The following COL12A1 variants were observed in gnomAD, a reference collection of about 807,000 sequenced individuals.
COL12A1 encodes the protein collagen type XII alpha 1 chain.
A neutral mutation model predicts 349.7 loss-of-function variants in COL12A1; 114 were observed. The ratio of observed to expected loss-of-function variants is 0.33; its 90% CI spans 0.28 to 0.38. The LOEUF is 0.38. Among genes scored for constraint, COL12A1 ranks in the 10% least tolerant of loss-of-function variants. The probability of loss-of-function intolerance (pLI) is 1.00; values close to 1 mark genes in which losing one functional copy is unlikely to be tolerated. For synonymous variants in COL12A1, 1,369 were observed against 1,329.0 expected, an observed-to-expected ratio of 1.03 and a Z score of -0.66; for missense variants, 3,284 against 3,756.9, an observed-to-expected ratio of 0.87 and a Z score of 3.29.
chr6:75,203,305 C>T (rs1438860998), intron 1 of COL12A1, among the ~76,000 whole-genome samples: 8 of 152,020 alleles, frequency 5.3e-5, no homozygotes, highest in Non-Finnish European at 1.5e-5. Flanking sequence ...CTTTTTTCTT[C>T]ATTTTGTTCT....
Position 75,085,424 on chromosome 6 carries a change from A to ACAC in COL12A1, c.*1122_*1123insGTG. On this transcript the variant is annotated 3_prime_UTR_variant, in exon 66 of 66. Coordinates refer to ENST00000322507, the MANE Select transcript of COL12A1 (RefSeq NM_004370.6). Reference sequence around the variant, plus strand: ...TTGGAAGGCACACACACACACACACAGCAAAAGCTAAATCATCACCCGCGG... The same window carrying ACAC: ...TTGGAAGGCACACACACACACACACACACGCAAAAGCTAAATCATCACCCGCGG... The ACAC allele has an allele frequency of 8.8e-6, 4 of 455,954 alleles. No individual in the cohort carries two copies. Among genetic ancestry groups the ACAC allele is most frequent in the Admixed American group, 4.8e-5 (2 of 42,072 alleles). 28.2% of individuals were successfully genotyped at this position (455,954 alleles called of 1,614,324 possible). A position where few individuals can be genotyped will look rare whatever the true frequency, so the allele number is the denominator to read the frequency against.
Position 75,175,084 on chromosome 6 carries a change from C to G in COL12A1, c.2664G>C (p.Ala888=). ...CAAAGAGGGCGTCTCCAGCCCCAGA[C>G]GCATACAAGGCTGTCACAGATAAGG... is the stretch of plus-strand genomic sequence containing the variant. ...QYALSVTALY[A]SGAGDALFGE... The change falls in exon 13 of 66, where the codon GCG becomes GCC. Residue 888 remains alanine, a synonymous_variant. Coordinates refer to ENST00000322507, the MANE Select transcript of COL12A1 (RefSeq NM_004370.6). 3 of 1,614,172 alleles carry G rather than the reference C, an allele frequency of 1.9e-6. No homozygotes were observed. The highest frequency in any genetic ancestry group is 2.5e-6 in the Non-Finnish European group (3 of 1,180,022).
chr6:75,177,613 T>G (rs767834421), intron 12 of COL12A1, 50 bp downstream of exon 12: 1 of 1,610,414 alleles, frequency 6.2e-7, no homozygotes, highest in Non-Finnish European at 8.5e-7. Flanking sequence ...AATTTTCCCC[T>G]CTAGTCTAAG....
chr6:75,086,788 ATTAC>A (rs1767518509), intron 65 of COL12A1, among the ~76,000 whole-genome samples: 2 of 151,764 alleles, frequency 1.3e-5, no homozygotes, highest in African/African-American at 4.8e-5. Context: ...AAGATTTGTT[ATTAC>A]TTTTGGTCAT....
rs1412087892 is a variant in COL12A1 at position 75,125,256 on chromosome 6, C to T, written c.6478G>A (p.Glu2160Lys). 6.2e-7 allele frequency: 1 copy of T among 1,607,100 alleles called. No homozygotes were observed. Among genetic ancestry groups the T allele is most frequent in the Non-Finnish European group, 8.5e-7 (1 of 1,176,734 alleles). The change falls in exon 40 of 66, where the codon GAA becomes AAA. Residue 2160 changes from glutamate (E) to lysine (K), a missense_variant. Around this residue, in one of 2 missense-constraint regions of COL12A1, gnomAD observed 2,601 missense variants for 2,824.8 expected, o/e 0.92. Transcript: ENST00000322507. ...YKPVGSNEPM[E>K]AFVGEMTSYT... is the part of the protein sequence containing the mutation. ...GATGTCATTTCTCCAACAAAGGCTT[C>T]CATGGGCTCATTGGAACCTTTATTA...
At position 75,175,072 on chromosome 6, in the gene COL12A1, T is replaced by G. The variant is rs1338753251; in HGVS notation, c.2676A>C (p.Gly892=). The stretch of plus-strand genomic sequence containing the variant: ...TTGTTCCTTCACCAAAGAGGGCGTC[T>G]CCAGCCCCAGACGCATACAAGGCTG... ...SVTALYASGA[G]DALFGEGTTL... Residue 892 remains glycine (G), a synonymous_variant, in exon 13 of 66, where the codon GGA becomes GGC. Transcript: ENST00000322507. The G allele has an allele frequency of 1.9e-6, 3 of 1,614,034 alleles. No homozygotes were observed. The highest frequency in any genetic ancestry group is 2.5e-6 in the Non-Finnish European group (3 of 1,180,024).
At chr6:75,180,124 C>G (rs1769186992) in intron 11 of COL12A1, among the ~76,000 whole-genome samples, 1 of 152,122 alleles carries the variant, frequency 6.6e-6, no homozygotes, top group Non-Finnish European at 1.5e-5. Context: ...AATAAGAACC[C>G]CATCTTAAAA....
chr6:75,202,311 G>A (rs983632180), intron 2 of COL12A1, among the ~76,000 whole-genome samples: 1 of 152,226 alleles, frequency 6.6e-6, no homozygotes, highest in Non-Finnish European at 1.5e-5. Context: ...CCAGGTGGTT[G>A]GTTACCAGCC....
In COL12A1 at chr6:75,175,419, G is replaced by T. The variant is rs946509139; in HGVS notation, c.2438-109C>A. ...GTGCACTACATCAAAGTTATATCCT[G>T]GGTGAGACTATGACAATTTTAACTG... On this transcript the variant is annotated intron_variant, in intron 12 of 65. Transcript: ENST00000322507. The T allele has an allele frequency of 2.8e-5, 35 of 1,272,728 alleles. No individual in the cohort carries two copies. In the East Asian group the frequency reaches 8.5e-4, roughly 31 times the overall value. 78.8% of individuals were successfully genotyped at this position (1,272,728 alleles called of 1,614,324 possible). A position where few individuals can be genotyped will look rare whatever the true frequency, so the allele number is the denominator to read the frequency against.
intron 27 of COL12A1, 25 bp from the exon 28 acceptor site, chr6:75,138,986 C>G: frequency 6.2e-7 from 1 of 1,610,594 alleles, no homozygotes; most frequent in Non-Finnish European, 8.5e-7. Flanking sequence ...GGCAAGCAGA[C>G]TAAGTTTTTG....
At position 75,152,450 on chromosome 6, in the gene COL12A1, T is replaced by C; in HGVS notation, c.3598A>G (p.Ile1200Val). The change falls in exon 18 of 66, where the codon ATT becomes GTT. Residue 1200 changes from isoleucine (I) to valine (V), a missense_variant. Ile to Val is a conservative substitution (Grantham distance 29). Transcript: ENST00000322507. ...CATGATCCATCCACCAGCAACACAA[T>C]GTCTGCCTCAGCTCTGGTGAGACAC... is the stretch of plus-strand genomic sequence containing the variant. The part of the protein sequence containing the change: ...MECLTRAEAD[I>V]VLLVDGSWSI... 2 of 1,613,536 alleles carry C rather than the reference T, an allele frequency of 1.2e-6. No individual in the cohort carries two copies. The highest frequency in any genetic ancestry group is 1.7e-6 in the Non-Finnish European group (2 of 1,179,630).
rs751239090 is a variant in COL12A1 at position 75,090,211 on chromosome 6, G to A, written c.8840C>T (p.Pro2947Leu). Residue 2947 changes from proline (P) to leucine (L), a missense_variant, in exon 63 of 66, where the codon CCG becomes CTG. Pro to Leu is a moderately conservative substitution (Grantham distance 98). Coordinates refer to ENST00000322507, the MANE Select transcript of COL12A1 (RefSeq NM_004370.6). This position sits in a 1 kb window ranked among gnomAD's most constrained non-coding sequence, Gnocchi z 4.1. ...GGCTCCTGCGCTACCAGGAGGTCCC[G>A]GTGGACCCGGCGGGCCTGGCTGGTT... ...SRNQPGPPGP[P>L]GPPGSAGARG... 16 of 1,613,936 alleles carry A rather than the reference G, an allele frequency of 9.9e-6. No individual in the cohort carries two copies. The East Asian group carries it at 1.1e-4, about 11-fold the overall frequency.
At chr6:75,164,760 C>A (rs181556751) in intron 14 of COL12A1, among the ~76,000 whole-genome samples, 1 of 152,004 alleles carries the variant, frequency 6.6e-6, no homozygotes. Context: ...AACAAATAAC[C>A]TTTTAGGATA....
In COL12A1 at chr6:75,177,352, A is replaced by G. The variant is rs572769641; in HGVS notation, c.2437+311T>C. The stretch of plus-strand genomic sequence containing the variant: ...TTTGGGAGGCTGAATCAGGAGAATC[A>G]CTTGAACCCAGGAGGCAGAGGGTGC... On this transcript the variant is annotated intron_variant, in intron 12 of 65. Transcript: ENST00000322507. Among the ~76,000 whole-genome samples, 14 of 152,142 alleles carry G rather than the reference A, an allele frequency of 9.2e-5. 1 individual carries two copies. Among genetic ancestry groups the G allele is most frequent in the Middle Eastern group, 6.8e-3 (2 of 294 alleles).
rs2274901 is a variant in COL12A1, at chr6:75,191,440, G to A, written c.394+261C>T. Among the ~76,000 whole-genome samples, 1,193 of 151,974 alleles carry A rather than the reference G, an allele frequency of 7.9e-3. 46 individuals are homozygous for A. In the East Asian group the frequency reaches 0.12, roughly 16 times the overall value. On this transcript the variant is annotated intron_variant, in intron 5 of 65. Coordinates refer to ENST00000322507, the MANE Select transcript of COL12A1 (RefSeq NM_004370.6). The stretch of plus-strand genomic sequence containing the variant: ...CTATTGCCAAAATCCTGCAGGAAAG[G>A]TTGGACACACACAATTTCAAAACAC...
chr6:75,103,942 C>T (rs1253970785), intron 54 of COL12A1, 132 bp from the exon 55 acceptor site: 2 of 567,212 alleles, frequency 3.5e-6, no homozygotes, highest in Non-Finnish European at 6.1e-6. Flanking sequence ...AATACTGAAG[C>T]AAATATTTCA....
At chr6:75,205,468 A>G (rs1562340537) in intron 1 of COL12A1, among the ~76,000 whole-genome samples, 1 of 151,712 alleles carries the variant, frequency 6.6e-6, no homozygotes, top group Admixed American at 6.6e-5. Flanking sequence ...CGCGCCCTCC[A>G]TTGAAATCGA....
rs748359864 is a variant in COL12A1, at chr6:75,130,967, T to C, written c.5952A>G (p.Gly1984=). Residue 1984 remains glycine, a synonymous_variant, in exon 36 of 66, where the codon GGA becomes GGG. Coordinates refer to ENST00000322507, the MANE Select transcript of COL12A1 (RefSeq NM_004370.6). ...TRPSESIVVP[G]NTRMVHLERL... is the part of the protein sequence containing the mutation. ...GCTCCAGATGCACCATGCGCGTGTT[T>C]CCTGGCACTACTATCTGCAGGAGAG... The C allele has an allele frequency of 1.2e-6, 2 of 1,614,024 alleles. No individual in the cohort carries two copies. Among genetic ancestry groups the C allele is most frequent in the African/African-American group, 2.7e-5 (2 of 74,926 alleles).
At position 75,138,428 on chromosome 6, in the gene COL12A1, T is replaced by C. The variant is rs756121696; in HGVS notation, c.5230+20A>G. 6.2e-7 allele frequency: 1 copy of C among 1,610,152 alleles called. No homozygotes were observed. The highest frequency in any genetic ancestry group is 2.2e-5 in the East Asian group (1 of 44,848). On this transcript the variant is annotated intron_variant, in intron 29 of 65. Transcript: ENST00000322507. The stretch of plus-strand genomic sequence containing the variant: ...TTAACTTTAAAATATCAATGTCCTA[T>C]TTGAAAGCTAAACACCTACGTGTGC...
Sources: gnomAD v4.1 joint callset for allele counts (sites outside exome capture counted in the v4.1 genomes callset) on GRCh38, gnomAD v4.1.1 for gene constraint, gnomAD v4.1.1 regional missense constraint, Gnocchi (gnomAD v3.1) non-coding constraint, MANE v1.5 for transcripts, NCBI Gene and HGNC (gene_info 2026-07-23, HGNC 2026-07-21) for gene names.